The following CLEC19A variants were observed in gnomAD, a reference collection of about 807,000 sequenced individuals.
CLEC19A encodes the protein C-type lectin domain family 19 member A.
A neutral mutation model predicts 26.1 loss-of-function variants in CLEC19A; 21 were observed. The observed-to-expected ratio is 0.80, with a 90% confidence interval of 0.57 to 1.16. The LOEUF (loss-of-function observed/expected upper bound fraction) is 1.16, where lower values mean the gene tolerates loss of function less well. CLEC19A is among the 50% of genes most tolerant of loss of function. The probability of loss-of-function intolerance (pLI) is 0.00; values close to 1 mark genes in which losing one functional copy is unlikely to be tolerated. For synonymous variants in CLEC19A, 89 were observed against 88.6 expected (o/e 1.00, Z -0.03); for missense variants, 224 against 227.6 (o/e 0.98, Z 0.10).
intron 3 of CLEC19A, among the ~76,000 whole-genome samples, chr16:19,306,388 C>T (rs1416155289): frequency 6.6e-6 from 1 of 151,838 alleles, no homozygotes; most frequent in Non-Finnish European, 1.5e-5. Context: ...TCCAAGTGAT[C>T]CTCCCACCTC....
intron 2 of CLEC19A, among the ~76,000 whole-genome samples, chr16:19,303,323 A>T (rs1438559633): frequency 6.6e-6 from 1 of 152,130 alleles, no homozygotes; most frequent in Non-Finnish European, 1.5e-5. Flanking sequence ...CCACCTACCC[A>T]TTCATCCATT....
At chr16:19,301,284 G>A (rs911870292) in intron 2 of CLEC19A, among the ~76,000 whole-genome samples, 2 of 152,318 alleles carry the variant, frequency 1.3e-5, no homozygotes, top group South Asian at 4.1e-4. Flanking sequence ...GCTACAAGCT[G>A]TCAAGGATTG....
chr16:19,294,282 C>T (rs996274617), intron 1 of CLEC19A, among the ~76,000 whole-genome samples: 1 of 152,208 alleles, frequency 6.6e-6, no homozygotes, highest in African/African-American at 2.4e-5. Context: ...TGCAAACATC[C>T]TGCTCAAGTT....
At chr16:19,305,422 G>T (rs1229159729) in intron 3 of CLEC19A, among the ~76,000 whole-genome samples, 1 of 152,174 alleles carries the variant, frequency 6.6e-6, no homozygotes, top group Non-Finnish European at 1.5e-5. Flanking sequence ...GAAGAGGATA[G>T]CTTGGACCAG....
chr16:19,295,194 T>C (rs1400287577), intron 1 of CLEC19A, among the ~76,000 whole-genome samples: 1 of 151,930 alleles, frequency 6.6e-6, no homozygotes, highest in Non-Finnish European at 1.5e-5. Flanking sequence ...TGTGGGACTC[T>C]CAGGGTTTTG....
Position 19,310,428 on chromosome 16 carries a change from G to C in CLEC19A, c.*1345G>C, listed in dbSNP as rs1331640278. 6.6e-6 allele frequency: 1 copy of C among 152,372 alleles called. No individual in the cohort carries two copies. Among genetic ancestry groups the C allele is most frequent in the Non-Finnish European group, 1.5e-5 (1 of 68,058 alleles). The allele number at this position is 152,372 out of a possible 1,614,324, so 9.4% of individuals were successfully genotyped here. On this transcript the variant is annotated 3_prime_UTR_variant, in exon 5 of 5. Coordinates refer to ENST00000636231, the MANE Select transcript of CLEC19A (RefSeq NM_001256720.2). Reference sequence around the variant, plus strand: ...CAAGGCTGCAATGGACCATGATTGTGCTTCTGCACTCCAGCCTGGGTGACA... The same window carrying C: ...CAAGGCTGCAATGGACCATGATTGTCCTTCTGCACTCCAGCCTGGGTGACA...
At chr16:19,294,467 G>C (rs2143009256) in intron 1 of CLEC19A, among the ~76,000 whole-genome samples, 1 of 152,324 alleles carries the variant, frequency 6.6e-6, no homozygotes, top group Admixed American at 6.5e-5. Context: ...AGAGCTATCT[G>C]AAGCAGGGAA....
rs539758960 is a variant in CLEC19A at position 19,302,954 on chromosome 16, A to G, written c.255-1108A>G. Reference sequence around the variant, plus strand: ...ATATTTCCAAGATGTCCCCACAAACATTGCCTTAAATCTAACTGGCCATGC... The same window carrying G: ...ATATTTCCAAGATGTCCCCACAAACGTTGCCTTAAATCTAACTGGCCATGC... On this transcript the variant is annotated intron_variant, in intron 2 of 4. Transcript: ENST00000636231. 2.0e-5 allele frequency among the ~76,000 whole-genome samples: 3 copies of G among 152,264 alleles called. No individual in the cohort carries two copies. The East Asian group carries it at 5.8e-4, about 29-fold the overall frequency.
intron 1 of CLEC19A, 96 bp from the exon 2 acceptor site, chr16:19,298,577 T>A: frequency 1.5e-6 from 2 of 1,314,556 alleles, no homozygotes; most frequent in Non-Finnish European, 2.1e-6. Context: ...TAAAAAAAAT[T>A]AAAAGATTGT....
In CLEC19A at chr16:19,310,936, A is replaced by C. The variant is rs1898056992; in HGVS notation, c.*1853A>C. ...TTTTAAAATAATAGTTAAAATGATA[A>C]ATTTTACATTATATGAATTTTTATT... On this transcript the variant is annotated 3_prime_UTR_variant, in exon 5 of 5. Transcript: ENST00000636231. 6.6e-6 allele frequency: 1 copy of C among 152,004 alleles called. No individual in the cohort carries two copies. Among genetic ancestry groups the C allele is most frequent in the Admixed American group, 6.6e-5 (1 of 15,244 alleles). The allele number at this position is 152,004 out of a possible 1,614,324, so 9.4% of individuals were successfully genotyped here.
At chr16:19,297,356 T>C (rs1897725881) in intron 1 of CLEC19A, among the ~76,000 whole-genome samples, 1 of 152,144 alleles carries the variant, frequency 6.6e-6, no homozygotes, top group Admixed American at 6.5e-5. Flanking sequence ...CAGATTGCCA[T>C]GAAAGTGATA....
At chr16:19,287,718 G>A (rs1238776169) in intron 1 of CLEC19A, among the ~76,000 whole-genome samples, 2 of 152,166 alleles carry the variant, frequency 1.3e-5, no homozygotes, top group Non-Finnish European at 2.9e-5. Flanking sequence ...GGACCTCTCT[G>A]AGACTCAAGT....
chr16:19,302,916 A>G (rs1897866367), intron 2 of CLEC19A, among the ~76,000 whole-genome samples: 1 of 152,200 alleles, frequency 6.6e-6, no homozygotes, highest in Non-Finnish European at 1.5e-5. Context: ...CCCTCCTTTC[A>G]TCATGGAGAA....
At chr16:19,295,683 C>T (rs1360796042) in intron 1 of CLEC19A, among the ~76,000 whole-genome samples, 1 of 152,084 alleles carries the variant, frequency 6.6e-6, no homozygotes, top group African/African-American at 2.4e-5. Context: ...ACAAACTTAG[C>T]CAAGTTCTCA....
At chr16:19,308,937 G>A (rs1212145965) in intron 4 of CLEC19A, 67 bp from the exon 5 acceptor site, 4 of 1,289,102 alleles carry the variant, frequency 3.1e-6, no homozygotes, top group Non-Finnish European at 4.4e-6. Context: ...CTTCAGAGGA[G>A]TGGTGGGGTT....
At chr16:19,292,849 G>C (rs1897618646) in intron 1 of CLEC19A, among the ~76,000 whole-genome samples, 1 of 152,144 alleles carries the variant, frequency 6.6e-6, no homozygotes, top group Non-Finnish European at 1.5e-5. Context: ...AGGAGGGGGT[G>C]AATGACAGAG....
chr16:19,300,217 C>T (rs148172245), intron 2 of CLEC19A, among the ~76,000 whole-genome samples: 125 of 151,080 alleles, frequency 8.3e-4, no homozygotes, highest in African/African-American at 2.7e-3. Context: ...GAGTGAGATT[C>T]TGTCTCAAAA....
chr16:19,307,646 C>T lies in CLEC19A; in HGVS notation c.450C>T (p.Asp150=). Residue 150 remains aspartate, a synonymous_variant, in exon 4 of 5, where the codon GAC becomes GAT. Transcript: ENST00000636231. The part of the protein sequence containing the change: ...DGVHADPEEE[D]CVQIWYRPTS... ...TCCACGCGGACCCAGAAGAAGAGGACTGCGTGCAGATATGGTACAGGCCTA... is the reference window on the plus strand; with the variant it reads ...TCCACGCGGACCCAGAAGAAGAGGATTGCGTGCAGATATGGTACAGGCCTA... 2 of 1,548,340 alleles carry T rather than the reference C, an allele frequency of 1.3e-6. No individual in the cohort carries two copies. The highest frequency in any genetic ancestry group is 1.7e-6 in the Non-Finnish European group (2 of 1,146,828).
In CLEC19A at chr16:19,310,097, G is replaced by T. The variant is rs1025735451; in HGVS notation, c.*1014G>T. 6.6e-6 allele frequency: 1 copy of T among 152,148 alleles called. No homozygotes were observed. The highest frequency in any genetic ancestry group is 1.9e-4 in the East Asian group (1 of 5,202). 9.4% of individuals were successfully genotyped at this position (152,148 alleles called of 1,614,324 possible). A position where few individuals can be genotyped will look rare whatever the true frequency, so the allele number is the denominator to read the frequency against. On this transcript the variant is annotated 3_prime_UTR_variant, in exon 5 of 5. Coordinates refer to ENST00000636231, the MANE Select transcript of CLEC19A (RefSeq NM_001256720.2). ...GAAAAGTTTGGCAGTTCCTCAAAAA[G>T]TTAAACATAGAATTACATCTAAGCC...
Sources: gnomAD v4.1 joint callset for allele counts (sites outside exome capture counted in the v4.1 genomes callset) on GRCh38, gnomAD v4.1.1 for gene constraint, MANE v1.5 for transcripts, NCBI Gene and HGNC (gene_info 2026-07-23, HGNC 2026-07-21) for gene names.